Variants in SBDS observed in about 807,000 individuals in gnomAD.
SBDS encodes SBDS ribosome maturation factor, also known as ribosome maturation protein SBDS.
SBDS carries 20 observed loss-of-function variants against 26.4 expected under a neutral mutation model. That is an observed-to-expected ratio of 0.76 (90% CI 0.53 to 1.10). SBDS has a LOEUF of 1.10. Among genes scored for constraint, SBDS ranks in the 50% least tolerant of loss-of-function variants. The pLI is 0.00. For missense variants in SBDS, 241 were observed against 302.0 expected, an observed-to-expected ratio of 0.80 and a Z score of 1.50; for synonymous variants, 95 against 105.1, an observed-to-expected ratio of 0.90 and a Z score of 0.59.
chr7:66,994,492 T>G, intron 1 of SBDS, 151 bp from the exon 2 acceptor site: 1 of 684,608 alleles, frequency 1.5e-6, no homozygotes, highest in Non-Finnish European at 2.5e-6. Context: ...TTCTTTTTCT[T>G]ACCCCCCAAC....
intron 1 of SBDS, 164 bp from the exon 2 acceptor site, chr7:66,994,505 C>CCCCT (rs1793052203): frequency 1.5e-6 from 1 of 687,418 alleles, no homozygotes; most frequent in East Asian, 3.1e-5. Flanking sequence ...CCCCCAACCC[C>CCCCT]CGCCCCTAGA....
Position 66,988,333 on chromosome 7 carries a change from A to C in SBDS, c.*38T>G, listed in dbSNP as rs572920904. 2 of 1,609,090 alleles carry C rather than the reference A, an allele frequency of 1.2e-6. No individual in the cohort carries two copies. The highest frequency in any genetic ancestry group is 2.2e-5 in the South Asian group (2 of 90,908). The stretch of plus-strand genomic sequence containing the variant: ...TGAAACAGTGCCGTCGGAAACGGAA[A>C]CACTTTAGTGTTTTAGAGGTGAAGA... On this transcript the variant is annotated 3_prime_UTR_variant, in exon 5 of 5. Coordinates refer to ENST00000246868, the MANE Select transcript of SBDS (RefSeq NM_016038.4).
At chr7:66,989,937 G>A (rs554409077) in intron 4 of SBDS, among the ~76,000 whole-genome samples, 5 of 152,064 alleles carry the variant, frequency 3.3e-5, no homozygotes, top group Non-Finnish European at 1.5e-5. Context: ...TTAACCAGAC[G>A]CGACTATCCT....
chr7:66,994,536 C>A (rs1007820528), intron 1 of SBDS, among the ~76,000 whole-genome samples, 195 bp from the exon 2 acceptor site: 2 of 150,756 alleles, frequency 1.3e-5, no homozygotes, highest in African/African-American at 2.4e-5. Context: ...CTGTTTTTGC[C>A]CAGGCTGGAG....
At chr7:66,992,308 G>A (rs376881658) in intron 3 of SBDS, among the ~76,000 whole-genome samples, 7 of 152,104 alleles carry the variant, frequency 4.6e-5, no homozygotes, top group East Asian at 3.9e-4. Context: ...GTGGTTGGGA[G>A]GGGCCTGTGG....
chr7:66,992,123 G>A (rs1792988086), intron 3 of SBDS, among the ~76,000 whole-genome samples: 1 of 152,228 alleles, frequency 6.6e-6, no homozygotes, highest in Non-Finnish European at 1.5e-5. Flanking sequence ...TCAACTGATA[G>A]ATGAATGAAC....
In SBDS at chr7:66,988,039, T is replaced by A; in HGVS notation, c.*332A>T. 2 of 414,974 alleles carry A rather than the reference T, an allele frequency of 4.8e-6. No homozygotes were observed. The highest frequency in any genetic ancestry group is 9.0e-6 in the Non-Finnish European group (2 of 221,676). 25.7% of individuals were successfully genotyped at this position (414,974 alleles called of 1,614,324 possible). A position where few individuals can be genotyped will look rare whatever the true frequency, so the allele number is the denominator to read the frequency against. On this transcript the variant is annotated 3_prime_UTR_variant, in exon 5 of 5. Transcript: ENST00000246868. Reference sequence around the variant, plus strand: ...TACCCCTAATAATCTTACTCTACTGTACAAATAACTTTTCACCCACAAGAG... The same window carrying A: ...TACCCCTAATAATCTTACTCTACTGAACAAATAACTTTTCACCCACAAGAG...
At position 66,994,580 on chromosome 7, in the gene SBDS, A is replaced by C. The variant is rs565535939; in HGVS notation, c.129-239T>G. ...CGCGATCTCGGGTCACTGTAACCTC[A>C]GCCTCCCGGGTTCAAGTGATTCTCC... On this transcript the variant is annotated intron_variant, in intron 1 of 4. Transcript: ENST00000246868. Among the ~76,000 whole-genome samples, 626 of 150,090 alleles carry C rather than the reference A, an allele frequency of 4.2e-3. 9 individuals carry two copies. The highest frequency in any genetic ancestry group is 0.011 in the African/African-American group (449 of 40,770).
chr7:66,994,670 T>C (rs1318382903), intron 1 of SBDS, among the ~76,000 whole-genome samples: 1 of 152,100 alleles, frequency 6.6e-6, no homozygotes. Context: ...AACTTTGTAT[T>C]TTTAGTAGAG....
intron 3 of SBDS, 133 bp from the exon 4 acceptor site, chr7:66,991,434 G>A (rs986659284): frequency 4.3e-5 from 29 of 681,710 alleles, no homozygotes; most frequent in African/African-American, 7.4e-5. Flanking sequence ...ATAAGTGACC[G>A]TTAAAAAAAA....
chr7:66,988,958 C>T (rs1365485030), intron 4 of SBDS, among the ~76,000 whole-genome samples: 1 of 151,574 alleles, frequency 6.6e-6, no homozygotes, highest in African/African-American at 2.4e-5. Flanking sequence ...CAGCCTCCGC[C>T]TCCCAGGTTC....
intron 1 of SBDS, 154 bp from the exon 2 acceptor site, chr7:66,994,495 C>A (rs980516998): frequency 1.4e-6 from 1 of 707,706 alleles, no homozygotes; most frequent in Non-Finnish European, 2.5e-6. Flanking sequence ...TTTTTCTTAC[C>A]CCCCAACCCC....
chr7:66,993,561 G>A, intron 2 of SBDS, 144 bp from the exon 3 acceptor site: 2 of 718,376 alleles, frequency 2.8e-6, no homozygotes, highest in Non-Finnish European at 4.8e-6. Flanking sequence ...GTAATGGTTT[G>A]AGCTTTGCCC....
chr7:66,995,076 C>G (rs1793070084), intron 1 of SBDS: 2 of 634,048 alleles, frequency 3.2e-6, no homozygotes, highest in South Asian at 3.9e-5. Context: ...AACCCCAAAC[C>G]AACAACCCAA....
chr7:66,988,845 G>A (rs977244556), intron 4 of SBDS, among the ~76,000 whole-genome samples: 3 of 152,110 alleles, frequency 2.0e-5, no homozygotes, highest in African/African-American at 7.2e-5. Flanking sequence ...TCACCTCCAC[G>A]TATGAAGGAG....
chr7:66,994,021 A>AG (rs1276001393), intron 2 of SBDS, among the ~76,000 whole-genome samples, 191 bp downstream of exon 2: 1 of 141,086 alleles, frequency 7.1e-6, no homozygotes, highest in East Asian at 2.0e-4. Flanking sequence ...GGTTTTGGCA[A>AG]AAAAAAAAAA....
At chr7:66,989,434 A>G (rs2129231411) in intron 4 of SBDS, among the ~76,000 whole-genome samples, 1 of 151,908 alleles carries the variant, frequency 6.6e-6, no homozygotes, top group African/African-American at 2.4e-5. Flanking sequence ...AATCCCAGCT[A>G]CTCGGGAGGC....
Sources: gnomAD v4.1 joint callset for allele counts (sites outside exome capture counted in the v4.1 genomes callset) on GRCh38, gnomAD v4.1.1 for gene constraint, MANE v1.5 for transcripts, NCBI Gene and HGNC (gene_info 2026-07-23, HGNC 2026-07-21) for gene names.